LTBP1: variants seen among roughly 807,000 people sequenced by gnomAD.
LTBP1 encodes latent-transforming growth factor beta-binding protein 1.
LTBP1 carries 129 observed loss-of-function variants against 207.6 expected under a neutral mutation model. The observed-to-expected ratio is 0.62, with a 90% CI of 0.54 to 0.72. The LOEUF is 0.72. Among genes scored for constraint, LTBP1 ranks in the 30% least tolerant of loss-of-function variants. The probability of loss-of-function intolerance (pLI) is 0.00; values close to 1 mark genes in which losing one functional copy is unlikely to be tolerated. For synonymous variants in LTBP1, 963 were observed against 833.7 expected, an observed-to-expected ratio of 1.16 and a Z score of -2.67; for missense variants, 2,281 against 2,217.2, an observed-to-expected ratio of 1.03 and a Z score of -0.58.
chr2:33,011,110 A>ATTGTC (rs1463514077), intron 2 of LTBP1, among the ~76,000 whole-genome samples: 30 of 152,154 alleles, frequency 2.0e-4, no homozygotes, highest in Admixed American at 5.2e-4. Context: ...TTGCATACAA[A>ATTGTC]ATTCCCTAGA....
chr2:33,276,266 GTGT>G (rs1340238097), intron 18 of LTBP1, among the ~76,000 whole-genome samples: 1 of 152,190 alleles, frequency 6.6e-6, no homozygotes, highest in Non-Finnish European at 1.5e-5. Context: ...GGTGTAACCA[GTGT>G]TGATTTTTTG....
In LTBP1 at chr2:33,283,083, AAGAG is replaced by A. The variant is rs1198670944; in HGVS notation, c.3112+2930_3112+2933del. Among the ~76,000 whole-genome samples the A allele has an allele frequency of 2.0e-5, 3 of 151,190 alleles. No homozygotes were observed. The East Asian group carries it at 5.8e-4, about 29-fold the overall frequency. Reference sequence around the variant, plus strand: ...TCTCAAAAAAAAAAAAAAAAAAAAAAAGAGAGAGTGAATAAAATAAAGTTTTTCT... The same window carrying A: ...TCTCAAAAAAAAAAAAAAAAAAAAAAAGAGTGAATAAAATAAAGTTTTTCT... On this transcript the variant is annotated intron_variant, in intron 19 of 33. Transcript: ENST00000404816.
At chr2:33,196,256 G>A (rs983843437) in intron 7 of LTBP1, among the ~76,000 whole-genome samples, 1 of 152,072 alleles carries the variant, frequency 6.6e-6, no homozygotes, top group African/African-American at 2.4e-5. Context: ...ATATGCAGGT[G>A]ATCATTGTAT....
chr2:33,109,657 G>A (rs565713790), intron 3 of LTBP1, among the ~76,000 whole-genome samples: 2 of 152,022 alleles, frequency 1.3e-5, no homozygotes, highest in South Asian at 4.2e-4. Context: ...GATAATGAGA[G>A]TATAATTATA....
At chr2:32,972,207 A>G (rs1194397292) in intron 2 of LTBP1, among the ~76,000 whole-genome samples, 1 of 141,920 alleles carries the variant, frequency 7.0e-6, no homozygotes, top group Non-Finnish European at 1.5e-5. Context: ...TTCTTAGTCT[A>G]GCAGTGGCCT....
intron 22 of LTBP1, among the ~76,000 whole-genome samples, chr2:33,303,738 A>C (rs1418984280): frequency 6.6e-6 from 1 of 152,186 alleles, no homozygotes; most frequent in Admixed American, 6.5e-5. Flanking sequence ...ATGAGAATCG[A>C]ATCCAGCTGC....
At position 33,326,526 on chromosome 2, in the gene LTBP1, A is replaced by G. The variant is rs1294203458; in HGVS notation, c.3730+11257A>G. On this transcript the variant is annotated intron_variant, in intron 24 of 33. Transcript: ENST00000404816. ...AAAAAAAACAATCTAAACTGACTTC[A>G]GTCATGAGGATATTCATTCTTGACC... 3.3e-5 allele frequency among the ~76,000 whole-genome samples: 5 copies of G among 152,118 alleles called. No individual in the cohort carries two copies. In the South Asian group the frequency reaches 8.3e-4, roughly 25 times the overall value.
chr2:33,124,914 G>C (rs1226345712), intron 4 of LTBP1, among the ~76,000 whole-genome samples: 1 of 152,172 alleles, frequency 6.6e-6, no homozygotes, highest in Non-Finnish European at 1.5e-5. Context: ...ACCTGTGGGT[G>C]GTTTTGTATT....
chr2:33,203,112 G>T (rs6729956), intron 7 of LTBP1, among the ~76,000 whole-genome samples: 1 of 152,144 alleles, frequency 6.6e-6, no homozygotes, highest in Non-Finnish European at 1.5e-5. Context: ...GTAGCCATCC[G>T]TGCCAAACCT....
chr2:33,021,916 C>T (rs1050109764), intron 3 of LTBP1, among the ~76,000 whole-genome samples: 6 of 152,142 alleles, frequency 3.9e-5, no homozygotes, highest in Admixed American at 2.6e-4. Context: ...GGTCCTTAAA[C>T]AAATTGTCTC....
chr2:32,979,856 G>C (rs1395287799), intron 2 of LTBP1, among the ~76,000 whole-genome samples: 1 of 152,052 alleles, frequency 6.6e-6, no homozygotes, highest in Non-Finnish European at 1.5e-5. Context: ...ATATATCTGG[G>C]TGCTCCAAAG....
intron 2 of LTBP1, among the ~76,000 whole-genome samples, chr2:32,950,290 C>G (rs1337187066): frequency 2.0e-5 from 3 of 152,158 alleles, no homozygotes; most frequent in Non-Finnish European, 4.4e-5. Flanking sequence ...GGTGCGGTGA[C>G]TCATGCCTGT....
At chr2:33,296,527 C>A (rs546520030) in intron 20 of LTBP1, among the ~76,000 whole-genome samples, 2 of 152,178 alleles carry the variant, frequency 1.3e-5, no homozygotes, top group South Asian at 4.2e-4. Context: ...ATTGTGTCAT[C>A]CCTAAAATTA....
At chr2:33,392,956 C>T (rs928623629) in intron 32 of LTBP1, among the ~76,000 whole-genome samples, 1 of 151,696 alleles carries the variant, frequency 6.6e-6, no homozygotes, top group Non-Finnish European at 1.5e-5. Flanking sequence ...GATTCTCCTG[C>T]CTCAGCCTCC....
At position 33,172,802 on chromosome 2, in the gene LTBP1, G is replaced by A. The variant is rs866615629; in HGVS notation, c.1202-14054G>A. Among the ~76,000 whole-genome samples, 168 of 152,216 alleles carry A rather than the reference G, an allele frequency of 1.1e-3. 1 individual carries two copies. The Middle Eastern group carries it at 0.014, about 12-fold the overall frequency. The stretch of plus-strand genomic sequence containing the variant: ...AAAAGAACAGAAATGATAACAAACT[G>A]TCTCTCAGACCACAGTGCAATCAAA... On this transcript the variant is annotated intron_variant, in intron 5 of 33. Transcript: ENST00000404816.
In LTBP1 at chr2:33,354,487, A is replaced by T. The variant is rs75574593; in HGVS notation, c.4001-6110A>T. ...AATACGTTCATTTGTTTAAAAAAAAAATATCTAGTCAAGTTTCTTCCCACA... is the reference window on the plus strand; with the variant it reads ...AATACGTTCATTTGTTTAAAAAAAATATATCTAGTCAAGTTTCTTCCCACA... On this transcript the variant is annotated intron_variant, in intron 26 of 33. Transcript: ENST00000404816. Among the ~76,000 whole-genome samples, 1,495 of 152,210 alleles carry T rather than the reference A, an allele frequency of 9.8e-3. 10 individuals are homozygous for T. Among genetic ancestry groups the T allele is most frequent in the South Asian group, 0.021 (99 of 4,814 alleles).
intron 5 of LTBP1, among the ~76,000 whole-genome samples, chr2:33,173,053 G>A (rs968537953): frequency 6.6e-5 from 10 of 152,028 alleles, no homozygotes; most frequent in African/African-American, 1.4e-4. Context: ...GAGAAAGCAG[G>A]AAAGATCCAA....
At chr2:33,197,787 T>C (rs1450195457) in intron 7 of LTBP1, among the ~76,000 whole-genome samples, 1 of 152,170 alleles carries the variant, frequency 6.6e-6, no homozygotes, top group Non-Finnish European at 1.5e-5. Flanking sequence ...CCAGCTTCCA[T>C]GCTGAACCTG....
At chr2:33,255,896 A>G (rs530225441) in intron 11 of LTBP1, among the ~76,000 whole-genome samples, 16 of 152,300 alleles carry the variant, frequency 1.1e-4, no homozygotes, top group African/African-American at 2.9e-4. Flanking sequence ...AAAGTTAACC[A>G]TAAGCTCCTT....
Sources: gnomAD v4.1 joint callset for allele counts (sites outside exome capture counted in the v4.1 genomes callset) on GRCh38, gnomAD v4.1.1 for gene constraint, MANE v1.5 for transcripts, NCBI Gene and HGNC (gene_info 2026-07-23, HGNC 2026-07-21) for gene names.